SLMAP: variants seen among roughly 807,000 people sequenced by gnomAD.
SLMAP encodes the protein sarcolemma associated protein.
Under a neutral mutation model 128.8 loss-of-function variants are expected in SLMAP, and 44 were observed. That is an observed-to-expected ratio of 0.34 (90% confidence interval 0.27 to 0.44). The LOEUF is 0.44. Among genes scored for constraint, SLMAP ranks in the 20% least tolerant of loss-of-function variants. SLMAP has a pLI of 1.00. For missense variants in SLMAP, 787 were observed against 985.3 expected, an observed-to-expected ratio of 0.80 and a Z score of 2.69; for synonymous variants, 327 against 348.8, an observed-to-expected ratio of 0.94 and a Z score of 0.70.
At chr3:57,885,422 T>TG (rs1457051993) in intron 14 of SLMAP, among the ~76,000 whole-genome samples, 1 of 58,700 alleles carries the variant, frequency 1.7e-5, no homozygotes, top group Non-Finnish European at 4.4e-5. Flanking sequence ...GTTGTTTTTG[T>TG]GTTTTTTTTT....
intron 8 of SLMAP, among the ~76,000 whole-genome samples, chr3:57,860,427 T>C (rs1684417247): frequency 1.3e-5 from 2 of 152,184 alleles, no homozygotes; most frequent in African/African-American, 4.8e-5. Flanking sequence ...ATGACAAATA[T>C]AAAAGTAACT....
chr3:57,843,416 G>A (rs1471663730), intron 4 of SLMAP, among the ~76,000 whole-genome samples: 2 of 134,638 alleles, frequency 1.5e-5, no homozygotes, highest in East Asian at 4.7e-4. Context: ...AGCAATTCTT[G>A]TGCCTCAGCC....
intron 4 of SLMAP, among the ~76,000 whole-genome samples, chr3:57,845,792 A>C (rs2094210786): frequency 6.6e-6 from 1 of 152,030 alleles, no homozygotes; most frequent in Non-Finnish European, 1.5e-5. Context: ...ATATGAATAC[A>C]TTTAATATCC....
chr3:57,831,369 GTT>G lies in SLMAP; in HGVS notation c.199-6_199-5del. 7.0e-7 allele frequency: 1 copy of G among 1,428,252 alleles called. No homozygotes were observed. The highest frequency in any genetic ancestry group is 9.3e-7 in the Non-Finnish European group (1 of 1,071,556). 88.5% of individuals were successfully genotyped at this position (1,428,252 alleles called of 1,614,324 possible). Reference sequence around the variant, plus strand: ...TAATATTTGGCCCTTTTTTGTTTTTGTTTTTTTTTGCAGTTTTATCTTCAAGA... The same window carrying G: ...TAATATTTGGCCCTTTTTTGTTTTTGTTTTTTTGCAGTTTTATCTTCAAGA... On this transcript the variant is annotated splice_polypyrimidine_tract_variant and intron_variant, in intron 2 of 24. Transcript: ENST00000671191.
chr3:57,781,043 C>T (rs575462280), intron 2 of SLMAP, among the ~76,000 whole-genome samples: 38 of 150,910 alleles, frequency 2.5e-4, no homozygotes, highest in African/African-American at 9.2e-4. Context: ...TATATATGCG[C>T]ATATATATAA....
intron 2 of SLMAP, among the ~76,000 whole-genome samples, chr3:57,777,319 C>T (rs2082143034): frequency 6.7e-6 from 1 of 149,852 alleles, no homozygotes; most frequent in African/African-American, 2.5e-5. Flanking sequence ...TATAGGATAA[C>T]ATCCTTATGA....
intron 2 of SLMAP, among the ~76,000 whole-genome samples, chr3:57,786,765 G>A (rs2084259370): frequency 2.3e-5 from 3 of 131,650 alleles, no homozygotes; most frequent in South Asian, 2.4e-4. Context: ...TTGGAGTCTC[G>A]CTCTGTCGCC....
At chr3:57,791,080 A>G (rs1226711618) in intron 2 of SLMAP, among the ~76,000 whole-genome samples, 1 of 151,982 alleles carries the variant, frequency 6.6e-6, no homozygotes, top group East Asian at 1.9e-4. Context: ...AATTGGATGG[A>G]CGCGTTGGCT....
intron 14 of SLMAP, among the ~76,000 whole-genome samples, chr3:57,872,374 T>C (rs2095501740): frequency 6.6e-6 from 1 of 152,106 alleles, no homozygotes; most frequent in African/African-American, 2.4e-5. Flanking sequence ...TCCTAGCACT[T>C]TGGGGAGGCC....
Position 57,797,528 on chromosome 3 carries a change from C to T in SLMAP, c.199-33855C>T, listed in dbSNP as rs147173690. 4.4e-3 allele frequency among the ~76,000 whole-genome samples: 659 copies of T among 150,480 alleles called. 4 individuals are homozygous for T. Among genetic ancestry groups the T allele is most frequent in the Non-Finnish European group, 6.3e-3 (430 of 67,812 alleles). ...CGAGGCAGGAGAGTGGAATGTTAGT[C>T]GTGTAATGCATATAAAGCAATATGT... On this transcript the variant is annotated intron_variant, in intron 2 of 24. Coordinates refer to ENST00000671191, the MANE Select transcript of SLMAP (RefSeq NM_001377540.1).
Position 57,827,979 on chromosome 3 carries a change from C to T in SLMAP, c.199-3404C>T, listed in dbSNP as rs896105311. On this transcript the variant is annotated intron_variant, in intron 2 of 24. Coordinates refer to ENST00000671191, the MANE Select transcript of SLMAP (RefSeq NM_001377540.1). ...TATTTATTTATGAGACAGAGTCTCA[C>T]TCTATTGCCCAGGCTGAAGTGTGCA... is the stretch of plus-strand genomic sequence containing the variant. Among the ~76,000 whole-genome samples the T allele has an allele frequency of 3.9e-5, 6 of 152,342 alleles. No homozygotes were observed. The South Asian group carries it at 1.0e-3, about 26-fold the overall frequency.
rs1205508360 is a variant in SLMAP at position 57,927,782 on chromosome 3, C to G, written c.*493C>G. 2 of 153,558 alleles carry G rather than the reference C, an allele frequency of 1.3e-5. No homozygotes were observed. Among genetic ancestry groups the G allele is most frequent in the Non-Finnish European group, 2.9e-5 (2 of 68,712 alleles). 9.5% of individuals were successfully genotyped at this position (153,558 alleles called of 1,614,324 possible). A position where few individuals can be genotyped will look rare whatever the true frequency, so the allele number is the denominator to read the frequency against. On this transcript the variant is annotated 3_prime_UTR_variant, in exon 25 of 25. Coordinates refer to ENST00000671191, the MANE Select transcript of SLMAP (RefSeq NM_001377540.1). Reference sequence around the variant, plus strand: ...TGATTTGATAACTACCCAAACCAAACAACCAATACATACATGGGAAGAGAG... The same window carrying G: ...TGATTTGATAACTACCCAAACCAAAGAACCAATACATACATGGGAAGAGAG...
At chr3:57,888,597 C>CA (rs2095972495) in intron 14 of SLMAP, among the ~76,000 whole-genome samples, 1 of 149,692 alleles carries the variant, frequency 6.7e-6, no homozygotes, top group African/African-American at 2.5e-5. Context: ...AGCCTGGTGA[C>CA]AGAGTGAGAC....
chr3:57,846,805 C>T (rs1443741612), intron 4 of SLMAP, among the ~76,000 whole-genome samples: 3 of 152,006 alleles, frequency 2.0e-5, no homozygotes, highest in Non-Finnish European at 4.4e-5. Flanking sequence ...GTGATCCTCC[C>T]GCCTCAGCCT....
chr3:57,855,597 G>A (rs1002946479), intron 6 of SLMAP, among the ~76,000 whole-genome samples: 10 of 149,452 alleles, frequency 6.7e-5, no homozygotes, highest in Admixed American at 1.3e-4. Context: ...AGTTTTTGGG[G>A]CAGGCATGGT....
intron 2 of SLMAP, among the ~76,000 whole-genome samples, chr3:57,811,143 A>G (rs762334352): frequency 5.9e-5 from 9 of 152,196 alleles, no homozygotes; most frequent in Non-Finnish European, 1.2e-4. Context: ...AGGGTATTAT[A>G]TACATTCATA....
At chr3:57,837,861 G>C (rs988048509) in intron 3 of SLMAP, among the ~76,000 whole-genome samples, 2 of 152,232 alleles carry the variant, frequency 1.3e-5, no homozygotes, top group Non-Finnish European at 2.9e-5. Context: ...GTCTATGCAT[G>C]TGTGTATCTG....
At chr3:57,808,868 C>T (rs941919803) in intron 2 of SLMAP, among the ~76,000 whole-genome samples, 5 of 152,160 alleles carry the variant, frequency 3.3e-5, no homozygotes, top group African/African-American at 9.7e-5. Context: ...AAGTCTCCCA[C>T]TATTATTATG....
intron 2 of SLMAP, among the ~76,000 whole-genome samples, chr3:57,784,983 G>T (rs574941807): frequency 2.1e-4 from 32 of 152,056 alleles, no homozygotes; most frequent in Non-Finnish European, 4.0e-4. Context: ...CTGGCAACTT[G>T]ATGTTGAACT....
Sources: allele counts gnomAD v4.1 joint callset (sites outside exome capture counted in the v4.1 genomes callset), GRCh38; gene constraint gnomAD v4.1.1; transcripts MANE v1.5; gene names NCBI Gene and HGNC (gene_info 2026-07-23, HGNC 2026-07-21).